The following AGBL4 variants were observed in gnomAD, a reference collection of about 807,000 sequenced individuals.
AGBL4 encodes AGBL carboxypeptidase 4.
Under a neutral mutation model 66.4 loss-of-function variants are expected in AGBL4, and 58 were observed. The ratio of observed to expected loss-of-function variants is 0.87; its 90% CI spans 0.71 to 1.09. AGBL4 has a LOEUF of 1.09. AGBL4 is among the 50% of genes least tolerant of loss of function. AGBL4 has a pLI of 0.00. For synonymous variants in AGBL4, 234 were observed against 222.9 expected, an observed-to-expected ratio of 1.05 and a Z score of -0.44; for missense variants, 579 against 631.0, an observed-to-expected ratio of 0.92 and a Z score of 0.88.
intron 6 of AGBL4, among the ~76,000 whole-genome samples, chr1:48,700,416 T>C (rs1646783390): frequency 6.6e-6 from 1 of 152,222 alleles, no homozygotes; most frequent in African/African-American, 2.4e-5. Context: ...TGGGGCTTTG[T>C]TCTGACAGCA....
chr1:48,715,134 G>T lies in AGBL4; in HGVS notation c.635-51893C>A, dbSNP rs551959220. On this transcript the variant is annotated intron_variant, in intron 6 of 13. Coordinates refer to ENST00000371839, the MANE Select transcript of AGBL4 (RefSeq NM_032785.4). The stretch of plus-strand genomic sequence containing the variant: ...ACAGAAACAAAGAACTGAAGGAAGT[G>T]GGGGTAGCCTGAGGACTGCTGCAGG... Among the ~76,000 whole-genome samples, 74 of 152,252 alleles carry T rather than the reference G, an allele frequency of 4.9e-4. No homozygotes were observed. The Middle Eastern group carries it at 0.01, about 21-fold the overall frequency.
chr1:49,717,002 T>C (rs1426065962), intron 2 of AGBL4, among the ~76,000 whole-genome samples: 1 of 152,090 alleles, frequency 6.6e-6, no homozygotes, highest in Non-Finnish European at 1.5e-5. Context: ...TGTTTGCAGA[T>C]GACATGATCA....
intron 4 of AGBL4, among the ~76,000 whole-genome samples, chr1:49,047,330 G>C (rs770078985): frequency 1.3e-5 from 2 of 152,168 alleles, no homozygotes; most frequent in Non-Finnish European, 2.9e-5. Flanking sequence ...TAGATATGCA[G>C]TCTAAGCAAC....
chr1:49,564,690 A>G lies in AGBL4; in HGVS notation c.282+132623T>C, dbSNP rs531120655. ...TGAGAGACAGTTTGTTATAATTTCT[A>G]TTCTTTTACATTTGCTGTGGAGTGC... On this transcript the variant is annotated intron_variant, in intron 3 of 13. Coordinates refer to ENST00000371839, the MANE Select transcript of AGBL4 (RefSeq NM_032785.4). Among the ~76,000 whole-genome samples, 216 of 151,590 alleles carry G rather than the reference A, an allele frequency of 1.4e-3. 1 individual carries two copies. Among genetic ancestry groups the G allele is most frequent in the Middle Eastern group, 3.4e-3 (1 of 294 alleles).
At chr1:48,776,882 G>T in intron 6 of AGBL4, 1 of 1,316,562 alleles carries the variant, frequency 7.6e-7, no homozygotes, top group Non-Finnish European at 1.0e-6. Flanking sequence ...CGCGGGGCGG[G>T]CGCGGAGGTG....
intron 3 of AGBL4, among the ~76,000 whole-genome samples, chr1:49,650,667 G>C (rs1384692411): frequency 6.6e-6 from 1 of 152,168 alleles, no homozygotes; most frequent in South Asian, 2.1e-4. Context: ...CAACTACAGG[G>C]AACCAGTGGG....
rs565305201 is a variant in AGBL4, at chr1:49,837,135, T to G, written c.157+14261A>C. On this transcript the variant is annotated intron_variant, in intron 2 of 13. Coordinates refer to ENST00000371839, the MANE Select transcript of AGBL4 (RefSeq NM_032785.4). ...GAGCCTGCAAGCAGGAACGTTTGAG[T>G]CTGTTGAAGCTGCGCCCACAGCCGC... Among the ~76,000 whole-genome samples, 10 of 152,294 alleles carry G rather than the reference T, an allele frequency of 6.6e-5. No homozygotes were observed. The South Asian group carries it at 8.3e-4, about 13-fold the overall frequency.
chr1:49,987,554 C>A (rs918042956), intron 1 of AGBL4, among the ~76,000 whole-genome samples: 4 of 151,886 alleles, frequency 2.6e-5, no homozygotes, highest in African/African-American at 7.2e-5. Flanking sequence ...TAACAACAAA[C>A]AAAATACTAA....
chr1:49,124,061 T>C (rs754328368), intron 4 of AGBL4, among the ~76,000 whole-genome samples: 15 of 152,298 alleles, frequency 9.8e-5, no homozygotes, highest in African/African-American at 3.4e-4. Flanking sequence ...GCTGGAAAGA[T>C]AGACATGGCC....
intron 3 of AGBL4, among the ~76,000 whole-genome samples, chr1:49,674,781 T>C (rs1004216279): frequency 6.6e-6 from 1 of 152,062 alleles, no homozygotes; most frequent in Admixed American, 6.6e-5. Context: ...GAGGTATCAC[T>C]GCAAGATTTG....
At chr1:49,995,659 G>A in intron 1 of AGBL4, 1 of 192,990 alleles carries the variant, frequency 5.2e-6, no homozygotes, top group Non-Finnish European at 1.1e-5. Context: ...CAACCCTAGG[G>A]CAAGCTTGTA....
chr1:48,967,697 G>A (rs532459616), intron 5 of AGBL4, among the ~76,000 whole-genome samples: 1 of 152,258 alleles, frequency 6.6e-6, no homozygotes, highest in African/African-American at 2.4e-5. Context: ...TAGGAAATGG[G>A]TAGAAAGGCA....
chr1:48,754,071 T>C (rs1652151015), intron 6 of AGBL4, among the ~76,000 whole-genome samples: 1 of 152,204 alleles, frequency 6.6e-6, no homozygotes, highest in Admixed American at 6.5e-5. Flanking sequence ...AGAGTCTTAT[T>C]TGAACTAATG....
chr1:49,968,924 T>C (rs192931381), intron 1 of AGBL4, among the ~76,000 whole-genome samples: 23 of 152,324 alleles, frequency 1.5e-4, no homozygotes, highest in Admixed American at 7.2e-4. Context: ...GAGAAATAAA[T>C]GTGTGTGGTT....
At chr1:48,634,460 A>G (rs1645636873) in intron 9 of AGBL4, 33 bp downstream of exon 9, 3 of 1,516,624 alleles carry the variant, frequency 2.0e-6, no homozygotes, top group Non-Finnish European at 2.7e-6. Flanking sequence ...CAAGCCATAG[A>G]TCAGCAGCTG....
At chr1:49,337,473 A>G (rs922918919) in intron 3 of AGBL4, among the ~76,000 whole-genome samples, 6 of 152,196 alleles carry the variant, frequency 3.9e-5, no homozygotes, top group African/African-American at 1.4e-4. Context: ...TAGCCCTCAT[A>G]TTGGCAGTCA....
At chr1:48,589,969 C>T (rs189781281) in intron 10 of AGBL4, among the ~76,000 whole-genome samples, 60 of 152,274 alleles carry the variant, frequency 3.9e-4, no homozygotes, top group Admixed American at 7.8e-4. Context: ...TAAAGAAGGC[C>T]GGGAACAGTA....
At chr1:48,897,253 C>T (rs1651606727) in intron 5 of AGBL4, among the ~76,000 whole-genome samples, 2 of 152,044 alleles carry the variant, frequency 1.3e-5, no homozygotes. Flanking sequence ...TCTTTATGTA[C>T]TTGGCTTATT....
intron 3 of AGBL4, among the ~76,000 whole-genome samples, chr1:49,563,121 G>T (rs1315236627): frequency 6.6e-6 from 1 of 151,818 alleles, no homozygotes; most frequent in Admixed American, 6.6e-5. Flanking sequence ...GTCTGTTATT[G>T]GTGTATAAGA....
Sources: gnomAD v4.1 joint callset for allele counts (sites outside exome capture counted in the v4.1 genomes callset) on GRCh38, gnomAD v4.1.1 for gene constraint, MANE v1.5 for transcripts, NCBI Gene and HGNC (gene_info 2026-07-23, HGNC 2026-07-21) for gene names.